LRRIQ1: variants seen among roughly 807,000 people sequenced by gnomAD.
The protein encoded by LRRIQ1 is leucine-rich repeat- and IQ domain-containing protein 1.
Under a neutral mutation model 211.9 loss-of-function variants are expected in LRRIQ1, and 210 were observed. The observed-to-expected ratio is 0.99, with a 90% confidence interval of 0.89 to 1.11. LRRIQ1 has a LOEUF of 1.11. Ranked by LOEUF, LRRIQ1 falls within the 50% of genes most tolerant of loss-of-function variation. The pLI is 0.00. For missense variants in LRRIQ1, 2,136 were observed against 1,939.5 expected, an observed-to-expected ratio of 1.10 and a Z score of -1.90; for synonymous variants, 699 against 650.1, an observed-to-expected ratio of 1.08 and a Z score of -1.14.
the LRRIQ1 span, among the ~76,000 whole-genome samples, chr12:85,271,193 A>G: frequency 5.9e-5 from 9 of 152,338 alleles, no homozygotes; most frequent in African/African-American, 2.2e-4. Flanking sequence ...AGCATTAAAG[A>G]TGTCATTTGG....
chr12:85,048,662 C>G (rs963268322), intron 6 of LRRIQ1: 1 of 151,402 alleles, frequency 6.6e-6, no homozygotes, highest in African/African-American at 2.4e-5. Flanking sequence ...AGATATGAAT[C>G]TTTAATTTTC....
At chr12:85,054,492 G>A (rs961371963) in intron 7 of LRRIQ1, among the ~76,000 whole-genome samples, 2 of 152,042 alleles carry the variant, frequency 1.3e-5, no homozygotes, top group Non-Finnish European at 2.9e-5. Context: ...TTAAGAAAAC[G>A]TATTTTTCTA....
Position 85,154,109 on chromosome 12 carries a change from C to A in LRRIQ1, c.4720+15C>A, listed in dbSNP as rs370379672. Reference sequence around the variant, plus strand: ...GAAAAAAATAGGTGAGTAATTAGTGCTCTTTGAATAATAACTGTGTATGGA... The same window carrying A: ...GAAAAAAATAGGTGAGTAATTAGTGATCTTTGAATAATAACTGTGTATGGA... On this transcript the variant is annotated intron_variant, in intron 23 of 26. Transcript: ENST00000393217. The A allele has an allele frequency of 1.4e-5, 20 of 1,411,984 alleles. No homozygotes were observed. In the African/African-American group the frequency reaches 2.8e-4, roughly 20 times the overall value. The allele number at this position is 1,411,984 out of a possible 1,614,324, so 87.5% of individuals were successfully genotyped here.
intron 24 of LRRIQ1, among the ~76,000 whole-genome samples, chr12:85,163,229 A>G (rs547891261): frequency 1.1e-3 from 172 of 152,334 alleles, no homozygotes; most frequent in Non-Finnish European, 1.8e-3. Context: ...GTGCAATACA[A>G]TGAACTCTAC....
At position 85,153,106 on chromosome 12, in the gene LRRIQ1, A is replaced by T; in HGVS notation, c.4502A>T (p.Glu1501Val). 6.3e-7 allele frequency: 1 copy of T among 1,590,072 alleles called. No individual in the cohort carries two copies. Among genetic ancestry groups the T allele is most frequent in the Non-Finnish European group, 8.6e-7 (1 of 1,167,310 alleles). Reference sequence around the variant, plus strand: ...CAAGCATGGTTATGTAATGACAAAGAAAATTTGTCTTCTTCAGAACACACA... The same window carrying T: ...CAAGCATGGTTATGTAATGACAAAGTAAATTTGTCTTCTTCAGAACACACA... ...PAQAWLCNDK[E>V]NLSSSEHTQF... Residue 1501 changes from glutamate to valine, a missense_variant, in exon 21 of 27, where the codon GAA (glutamate) becomes GTA (valine). Transcript: ENST00000393217.
chr12:85,259,968 C>G (rs929768235), intron 1 of LRRIQ1, among the ~76,000 whole-genome samples: 6 of 151,796 alleles, frequency 4.0e-5, no homozygotes, highest in African/African-American at 1.2e-4. Flanking sequence ...TGTAGAAACA[C>G]TGTTAAGAAT....
chr12:85,122,558 A>G (rs1056164336), intron 16 of LRRIQ1, among the ~76,000 whole-genome samples: 6 of 152,120 alleles, frequency 3.9e-5, no homozygotes, highest in Admixed American at 2.6e-4. Context: ...TTTCACTTAC[A>G]ATGACTCTTC....
chr12:85,200,781 A>G (rs1277643667), intron 24 of LRRIQ1, among the ~76,000 whole-genome samples: 1 of 152,040 alleles, frequency 6.6e-6, no homozygotes, highest in African/African-American at 2.4e-5. Context: ...CTTGCATCCC[A>G]TGGATGAAGC....
rs554779240 is a variant in LRRIQ1, at chr12:85,036,359, G to T, written c.-73G>T. On this transcript the variant is annotated 5_prime_UTR_variant, in exon 1 of 27. Coordinates refer to ENST00000393217, the MANE Select transcript of LRRIQ1 (RefSeq NM_001079910.2). ...TGCCATGGATACGCTTTGTGTAGCG[G>T]CTATGGGCGCTGTCTTACAACAAAG... The T allele has an allele frequency of 1.3e-5, 2 of 152,310 alleles. No homozygotes were observed. The highest frequency in any genetic ancestry group is 4.8e-5 in the African/African-American group (2 of 41,552). The allele number at this position is 152,310 out of a possible 1,614,324, so 9.4% of individuals were successfully genotyped here.
intron 24 of LRRIQ1, among the ~76,000 whole-genome samples, chr12:85,221,826 C>T (rs141295336): frequency 7.9e-5 from 12 of 152,174 alleles, no homozygotes; most frequent in African/African-American, 2.6e-4. Flanking sequence ...CAGTGGAGAA[C>T]CAGGAATTTA....
At chr12:85,152,081 G>A (rs1281719325) in intron 19 of LRRIQ1, among the ~76,000 whole-genome samples, 199 bp from the exon 20 acceptor site, 1 of 151,468 alleles carries the variant, frequency 6.6e-6, no homozygotes, top group Non-Finnish European at 1.5e-5. Context: ...CAAAACTTAG[G>A]GATGAAAAGT....
chr12:85,138,326 T>C (rs1325691954), intron 19 of LRRIQ1, among the ~76,000 whole-genome samples: 3 of 151,584 alleles, frequency 2.0e-5, no homozygotes, highest in African/African-American at 7.2e-5. Context: ...GAATCATAAG[T>C]TGCATTTAGT....
At chr12:85,261,461 T>C (rs576716252) in intron 1 of LRRIQ1, among the ~76,000 whole-genome samples, 8 of 152,146 alleles carry the variant, frequency 5.3e-5, no homozygotes, top group Non-Finnish European at 1.0e-4. Context: ...TTTCCTCAAA[T>C]GGCCTAATGT....
intron 8 of LRRIQ1, among the ~76,000 whole-genome samples, chr12:85,064,347 T>A (rs1299104861): frequency 6.6e-6 from 1 of 151,896 alleles, no homozygotes; most frequent in Non-Finnish European, 1.5e-5. Context: ...TTCAGATCTT[T>A]TGCCCATTTT....
chr12:85,105,527 T>C (rs964541497), intron 14 of LRRIQ1, among the ~76,000 whole-genome samples: 1 of 152,122 alleles, frequency 6.6e-6, no homozygotes, highest in Non-Finnish European at 1.5e-5. Flanking sequence ...TTTCCATTGA[T>C]TGCTTTTCTC....
intron 24 of LRRIQ1, among the ~76,000 whole-genome samples, chr12:85,213,568 A>C (rs868842330): frequency 6.6e-6 from 1 of 151,980 alleles, no homozygotes; most frequent in Non-Finnish European, 1.5e-5. Context: ...CTTTTATCAA[A>C]CTTGAACTTA....
chr12:85,257,834 GA>G (rs2137325263), intron 1 of LRRIQ1, among the ~76,000 whole-genome samples: 1 of 151,838 alleles, frequency 6.6e-6, no homozygotes, highest in South Asian at 2.1e-4. Flanking sequence ...ATTTAGTGAA[GA>G]CTTTTTTTTT....
intron 7 of LRRIQ1, among the ~76,000 whole-genome samples, chr12:85,052,482 A>G (rs1240328101): frequency 6.6e-6 from 1 of 151,978 alleles, no homozygotes; most frequent in East Asian, 1.9e-4. Flanking sequence ...TAATTCTAAC[A>G]TTTCTTTTAA....
chr12:85,159,296 A>G (rs984197030), intron 23 of LRRIQ1, among the ~76,000 whole-genome samples: 5 of 152,040 alleles, frequency 3.3e-5, no homozygotes, highest in Non-Finnish European at 7.4e-5. Context: ...AATGGAGCCA[A>G]TTATGGTTCT....
Sources: gnomAD v4.1 joint callset for allele counts (sites outside exome capture counted in the v4.1 genomes callset) on GRCh38, gnomAD v4.1.1 for gene constraint, MANE v1.5 for transcripts, NCBI Gene and HGNC (gene_info 2026-07-23, HGNC 2026-07-21) for gene names.